Variants in KCP observed in about 807,000 individuals in gnomAD.
KCP encodes the protein kielin/chordin-like protein.
KCP carries 194 observed loss-of-function variants against 212.7 expected under a neutral mutation model. That is an observed-to-expected ratio of 0.91 (90% confidence interval 0.81 to 1.03). The LOEUF (loss-of-function observed/expected upper bound fraction) is 1.03, where lower values mean the gene tolerates loss of function less well. Among genes scored for constraint, KCP ranks in the 50% least tolerant of loss-of-function variants. The pLI, the probability that KCP is intolerant of heterozygous loss-of-function variation, is 0.00. For missense variants in KCP, 2,080 were observed against 2,162.5 expected, an observed-to-expected ratio of 0.96 and a Z score of 0.76; for synonymous variants, 833 against 865.3, an observed-to-expected ratio of 0.96 and a Z score of 0.65.
In KCP at chr7:128,886,741, T is replaced by C. The variant is rs554217688; in HGVS notation, c.2690-4A>G. The stretch of plus-strand genomic sequence containing the variant: ...TCCCGGCCCTGAGAGAGACAGCCTG[T>C]GGGGGACACACCTCCTGGGTGGGGG... On this transcript the variant is annotated splice_polypyrimidine_tract_variant and splice_region_variant and intron_variant, in intron 24 of 39. Transcript: ENST00000610776. The C allele has an allele frequency of 2.1e-5, 32 of 1,550,838 alleles. No individual in the cohort carries two copies. The African/African-American group carries it at 3.7e-4, about 18-fold the overall frequency.
intron 5 of KCP, chr7:128,904,355 G>A (rs1389986051): frequency 6.4e-7 from 1 of 1,551,730 alleles, no homozygotes; most frequent in Admixed American, 2.0e-5. Flanking sequence ...TGAACACGAG[G>A]GCCCCTGGCA....
chr7:128,907,488 C>T (rs1030263234), intron 2 of KCP, 35 bp from the exon 3 acceptor site: 5 of 1,376,554 alleles, frequency 3.6e-6, no homozygotes, highest in Admixed American at 5.9e-5. Flanking sequence ...GGCACTGGCT[C>T]AGCTTCCCCC....
intron 21 of KCP, 144 bp from the exon 22 acceptor site, chr7:128,889,183 A>G: frequency 4.6e-6 from 1 of 217,260 alleles, no homozygotes; most frequent in Admixed American, 6.7e-5. Context: ...GGCCAAGCCC[A>G]GGGGGCAAAG....
rs745744147 is a variant in KCP, at chr7:128,904,038, G to C, written c.654+18C>G. The C allele has an allele frequency of 6.5e-6, 10 of 1,548,804 alleles. No individual in the cohort carries two copies. The South Asian group carries it at 7.1e-5, about 11-fold the overall frequency. ...CAGGGAGGTGCAGGGCCTGGGCAGA[G>C]GGGACAGGTGGACTCACCAGGCAGG... is the stretch of plus-strand genomic sequence containing the variant. On this transcript the variant is annotated intron_variant, in intron 6 of 39. Coordinates refer to ENST00000610776, the MANE Select transcript of KCP (RefSeq NM_001366122.1).
chr7:128,899,872 A>AGGTAAGG, intron 8 of KCP, among the ~76,000 whole-genome samples: 1 of 151,890 alleles, frequency 6.6e-6, no homozygotes, highest in African/African-American at 2.4e-5. Flanking sequence ...TTAAGGAATC[A>AGGTAAGG]AATTTGACTT....
In KCP at chr7:128,908,480, G is replaced by A. The variant is rs1244483960; in HGVS notation, c.165C>T (p.Pro55=). 11 of 1,551,822 alleles carry A rather than the reference G, an allele frequency of 7.1e-6. No homozygotes were observed. Among genetic ancestry groups the A allele is most frequent in the African/African-American group, 1.4e-5 (1 of 73,012 alleles). The change falls in exon 2 of 40, where the codon CCC becomes CCT. Residue 55 remains proline, a synonymous_variant. Coordinates refer to ENST00000610776, the MANE Select transcript of KCP (RefSeq NM_001366122.1). ...LAGNSQEQWH[P]LREWLGRLEA... is the part of the protein sequence containing the mutation. The stretch of plus-strand genomic sequence containing the variant: ...CCAGTCGCCCCAGCCACTCTCGCAG[G>A]GGGTGCCACTGCTCCTGGGAGTTCC...
Position 128,879,803 on chromosome 7 carries a change from C to G in KCP, c.3959G>C (p.Gly1320Ala). 6.4e-7 allele frequency: 1 copy of G among 1,550,864 alleles called. No homozygotes were observed. ...FSVHVTNDDR[G>A]RSGVAWTQEV... ...CTGGGTCCAGGCCACACCGCTCCGG[C>G]CCCGGTCATCATTGGTCACGTGCAC... The change falls in exon 36 of 40, where the codon GGC (glycine) becomes GCC (alanine). Residue 1320 changes from glycine to alanine, a missense_variant. Coordinates refer to ENST00000610776, the MANE Select transcript of KCP (RefSeq NM_001366122.1).
chr7:128,902,844 C>A lies in KCP; in HGVS notation c.764G>T (p.Gly255Val). The A allele has an allele frequency of 1.3e-6, 2 of 1,551,380 alleles. No individual in the cohort carries two copies. The highest frequency in any genetic ancestry group is 1.7e-6 in the Non-Finnish European group (2 of 1,146,964). Residue 255 changes from glycine (G) to valine (V), a missense_variant, in exon 8 of 40, where the codon GGC (glycine) becomes GTC (valine). Transcript: ENST00000610776. ...CPTCQGCTEGGSHWEHGQEWT... is the reference protein window; with the variant it reads ...CPTCQGCTEGVSHWEHGQEWT... ...CTCTTGGCCATGTTCCCAGTGAGAGCCACCTTCTGTGCAGCCTAGGGTTGA... is the reference window on the plus strand; with the variant it reads ...CTCTTGGCCATGTTCCCAGTGAGAGACACCTTCTGTGCAGCCTAGGGTTGA...
At chr7:128,889,176 C>A in intron 21 of KCP, 137 bp from the exon 22 acceptor site, 1 of 524,984 alleles carries the variant, frequency 1.9e-6, no homozygotes, top group South Asian at 6.8e-5. Context: ...GGTCACAGGC[C>A]AAGCCCAGGG....
chr7:128,886,439 G>A, intron 26 of KCP, 25 bp downstream of exon 26: 1 of 1,525,348 alleles, frequency 6.6e-7, no homozygotes, highest in Non-Finnish European at 8.9e-7. Context: ...GCTGAAGCAA[G>A]GGGTAGGGCT....
In KCP at chr7:128,888,720, T is replaced by G. The variant is rs894461028; in HGVS notation, c.2512+143A>C. 59 of 785,110 alleles carry G rather than the reference T, an allele frequency of 7.5e-5. No homozygotes were observed. The African/African-American group carries it at 8.9e-4, about 12-fold the overall frequency. 48.6% of individuals were successfully genotyped at this position (785,110 alleles called of 1,614,324 possible). A position where few individuals can be genotyped will look rare whatever the true frequency, so the allele number is the denominator to read the frequency against. On this transcript the variant is annotated intron_variant, in intron 22 of 39. Transcript: ENST00000610776. ...AACACACAGCCGTGCCCGGGACCTC[T>G]ATCAAAGGTGAGGGAGTCGGAGAGT...
chr7:128,886,430 C>T (rs1035061910), intron 26 of KCP, 34 bp downstream of exon 26: 7 of 1,515,634 alleles, frequency 4.6e-6, no homozygotes, highest in Non-Finnish European at 6.2e-6. Context: ...GGCCAAGGGG[C>T]TGAAGCAAGG....
At position 128,882,029 on chromosome 7, in the gene KCP, G is replaced by C; in HGVS notation, c.3245-13C>G. ...TTACTCAAGGCCTCTGTGAAGACAAGAATCCAGAGTGCGGGACAGAAAGAG... is the reference window on the plus strand; with the variant it reads ...TTACTCAAGGCCTCTGTGAAGACAACAATCCAGAGTGCGGGACAGAAAGAG... On this transcript the variant is annotated splice_polypyrimidine_tract_variant and intron_variant, in intron 29 of 39. Transcript: ENST00000610776. The C allele has an allele frequency of 6.5e-7, 1 of 1,547,346 alleles. No individual in the cohort carries two copies. Among genetic ancestry groups the C allele is most frequent in the East Asian group, 2.4e-5 (1 of 40,894 alleles).
Position 128,910,638 on chromosome 7 carries a change from CAGG to C in KCP, c.36_38del (p.Leu13del), listed in dbSNP as rs1377667272. The C allele has an allele frequency of 1.2e-5, 18 of 1,518,230 alleles. No individual in the cohort carries two copies. The highest frequency in any genetic ancestry group is 2.6e-5 in the East Asian group (1 of 38,752). 94.0% of individuals were successfully genotyped at this position (1,518,230 alleles called of 1,614,324 possible). On this transcript the variant is annotated inframe_deletion, in exon 1 of 40. Transcript: ENST00000610776. ...CGGCCAGCGCCAGGGCCCCGAGGTG[CAGG>C]AGAAGGGACAGCGCAGCGGCCCCGA...
intron 5 of KCP, among the ~76,000 whole-genome samples, chr7:128,905,770 C>A (rs1757238488): frequency 6.6e-6 from 1 of 152,080 alleles, no homozygotes; most frequent in South Asian, 2.1e-4. Context: ...CTGCAACCCA[C>A]CTCTCTCCAC....
chr7:128,896,254 A>G (rs928869501), intron 8 of KCP, among the ~76,000 whole-genome samples: 3 of 152,122 alleles, frequency 2.0e-5, no homozygotes, highest in Non-Finnish European at 4.4e-5. Context: ...TACCCGGGTA[A>G]ATAATGGGAT....
rs550984333 is a variant in KCP, at chr7:128,886,489, C to T, written c.2841G>A (p.Arg947=). 34 of 1,550,246 alleles carry T rather than the reference C, an allele frequency of 2.2e-5. No individual in the cohort carries two copies. In the South Asian group the frequency reaches 3.9e-4, roughly 18 times the overall value. ...PLPCKLQVTE[R]GSCCPRCRGC... is the part of the protein sequence containing the mutation. Reference sequence around the variant, plus strand: ...CTCTGCAGCGAGGGCAGCAGCTCCCCCGCTCGGTGACCTGGAGCTTGCAGG... The same window carrying T: ...CTCTGCAGCGAGGGCAGCAGCTCCCTCGCTCGGTGACCTGGAGCTTGCAGG... The change falls in exon 26 of 40, where the codon CGG becomes CGA. Residue 947 remains arginine (R), a synonymous_variant. Transcript: ENST00000610776.
chr7:128,888,439 TAC>T (rs1403431755), intron 22 of KCP, among the ~76,000 whole-genome samples: 2 of 58,228 alleles, frequency 3.4e-5, no homozygotes, highest in South Asian at 1.1e-3. Context: ...CACACACATA[TAC>T]ACACGGCCAC....
rs1342505590 is a variant in KCP at position 128,885,279 on chromosome 7, CAA to C, written c.2867-11_2867-10del. 6.5e-7 allele frequency: 1 copy of C among 1,537,552 alleles called. No homozygotes were observed. The highest frequency in any genetic ancestry group is 1.4e-5 in the African/African-American group (1 of 72,876). On this transcript the variant is annotated splice_polypyrimidine_tract_variant and intron_variant, in intron 26 of 39. Transcript: ENST00000610776. ...CCCATGAGCCAGGCAGCCTGTGGTGCAAAGTGGGCAGGGACGAGCTCGGAGGT... is the reference window on the plus strand; with the variant it reads ...CCCATGAGCCAGGCAGCCTGTGGTGCAGTGGGCAGGGACGAGCTCGGAGGT...
Sources: gnomAD v4.1 joint callset for allele counts (sites outside exome capture counted in the v4.1 genomes callset) on GRCh38, gnomAD v4.1.1 for gene constraint, MANE v1.5 for transcripts, NCBI Gene and HGNC (gene_info 2026-07-23, HGNC 2026-07-21) for gene names.